FAM13A: variants seen among roughly 807,000 people sequenced by gnomAD.
FAM13A encodes the protein family with sequence similarity 13 member A.
In FAM13A, 76 loss-of-function variants were observed where a neutral mutation model predicts 129.6. That is an observed-to-expected ratio of 0.59 (90% CI 0.49 to 0.71). The LOEUF (loss-of-function observed/expected upper bound fraction) is 0.71, where lower values mean the gene tolerates loss of function less well. FAM13A is among the 30% of genes least tolerant of loss of function. FAM13A has a pLI of 0.00. For synonymous variants in FAM13A, 443 were observed against 449.9 expected, an observed-to-expected ratio of 0.98 and a Z score of 0.20; for missense variants, 1,108 against 1,249.3, an observed-to-expected ratio of 0.89 and a Z score of 1.70.
At chr4:88,852,735 C>G (rs1252812841) in intron 6 of FAM13A, among the ~76,000 whole-genome samples, 4 of 152,146 alleles carry the variant, frequency 2.6e-5, no homozygotes, top group Non-Finnish European at 5.9e-5. Flanking sequence ...TATTGTGAGA[C>G]AATCCACTTG....
At chr4:89,033,230 G>GA (rs1161698337) in intron 1 of FAM13A, among the ~76,000 whole-genome samples, 2 of 151,992 alleles carry the variant, frequency 1.3e-5, no homozygotes, top group East Asian at 3.9e-4. Context: ...TAAAAGATAA[G>GA]AAAAAATCAA....
intron 5 of FAM13A, among the ~76,000 whole-genome samples, chr4:88,933,472 C>A (rs1351361729): frequency 6.6e-6 from 1 of 152,038 alleles, no homozygotes; most frequent in African/African-American, 2.4e-5. Flanking sequence ...TTCTCTTCTC[C>A]TTCACTTTAG....
intron 1 of FAM13A, among the ~76,000 whole-genome samples, chr4:89,048,153 A>T (rs1771101566): frequency 6.6e-6 from 1 of 152,300 alleles, no homozygotes; most frequent in African/African-American, 2.4e-5. Flanking sequence ...AAAGAAATGA[A>T]AATCCATATC....
At chr4:88,739,870 G>T (rs2604223) in intron 19 of FAM13A, among the ~76,000 whole-genome samples, 1 of 150,988 alleles carries the variant, frequency 6.6e-6, no homozygotes, top group Admixed American at 6.6e-5. Flanking sequence ...CTAAGAAGAA[G>T]ATTCTGGCAA....
At chr4:88,746,309 C>G (rs566022759) in intron 19 of FAM13A, among the ~76,000 whole-genome samples, 1 of 152,326 alleles carries the variant, frequency 6.6e-6, no homozygotes, top group Admixed American at 6.5e-5. Context: ...GCCTATCATG[C>G]TACCGTTTCC....
At chr4:89,016,249 A>G (rs1766472701) in intron 3 of FAM13A, among the ~76,000 whole-genome samples, 1 of 151,866 alleles carries the variant, frequency 6.6e-6, no homozygotes, top group South Asian at 2.1e-4. Flanking sequence ...TTAAAAATAG[A>G]AAAATATTAA....
In FAM13A at chr4:88,845,345, G is replaced by A. The variant is rs569046901; in HGVS notation, c.1007+5675C>T. On this transcript the variant is annotated intron_variant, in intron 7 of 23. Coordinates refer to ENST00000264344, the MANE Select transcript of FAM13A (RefSeq NM_014883.4). ...TACATCCTGAAGTGGAGATTGTCTG[G>A]CAGCCACTGGAGAACTAGGACTGAG... 2.6e-5 allele frequency among the ~76,000 whole-genome samples: 4 copies of A among 152,218 alleles called. No homozygotes were observed. The East Asian group carries it at 7.7e-4, about 29-fold the overall frequency.
chr4:88,746,011 T>C (rs1257716206), intron 19 of FAM13A, among the ~76,000 whole-genome samples: 2 of 152,182 alleles, frequency 1.3e-5, no homozygotes, highest in African/African-American at 2.4e-5. Context: ...CCAGAATCCC[T>C]GACCTCCCAC....
At chr4:88,758,672 C>A in intron 14 of FAM13A, 82 bp downstream of exon 14, 1 of 1,393,756 alleles carries the variant, frequency 7.2e-7, no homozygotes, top group Non-Finnish European at 9.9e-7. Flanking sequence ...CCCACACTCT[C>A]ACATAGTTAC....
intron 6 of FAM13A, among the ~76,000 whole-genome samples, chr4:88,894,061 A>C (rs1745872783): frequency 6.6e-6 from 1 of 152,238 alleles, no homozygotes; most frequent in Admixed American, 6.5e-5. Context: ...CAGTAACAAC[A>C]AAAACTCCTA....
At chr4:88,767,626 T>C in intron 12 of FAM13A, 31 bp from the exon 13 acceptor site, 9 of 1,520,140 alleles carry the variant, frequency 5.9e-6, no homozygotes, top group Non-Finnish European at 8.1e-6. Context: ...AAAAAAATCA[T>C]AAAATATCTA....
chr4:88,965,120 T>C (rs1238135830), intron 4 of FAM13A, among the ~76,000 whole-genome samples: 1 of 152,188 alleles, frequency 6.6e-6, no homozygotes, highest in Non-Finnish European at 1.5e-5. Context: ...CCTTACCAAA[T>C]ATGATAAATG....
At chr4:89,036,825 C>T (rs952950892) in intron 1 of FAM13A, among the ~76,000 whole-genome samples, 3 of 152,216 alleles carry the variant, frequency 2.0e-5, no homozygotes, top group Non-Finnish European at 2.9e-5. Flanking sequence ...GCCCAAGATA[C>T]GTCTCAGGCC....
At chr4:89,014,145 A>G (rs1766134532) in intron 3 of FAM13A, among the ~76,000 whole-genome samples, 1 of 152,226 alleles carries the variant, frequency 6.6e-6, no homozygotes, top group Non-Finnish European at 1.5e-5. Flanking sequence ...AAATGATTGT[A>G]AAATAAAAAT....
chr4:88,893,196 C>G (rs1745656063), intron 6 of FAM13A, among the ~76,000 whole-genome samples: 1 of 152,040 alleles, frequency 6.6e-6, no homozygotes, highest in African/African-American at 2.4e-5. Flanking sequence ...CAAATTAAAC[C>G]CCAAATCTCA....
At chr4:88,915,008 AC>A (rs1749865943) in intron 5 of FAM13A, among the ~76,000 whole-genome samples, 1 of 152,178 alleles carries the variant, frequency 6.6e-6, no homozygotes, top group African/African-American at 2.4e-5. Context: ...CAAACTCACA[AC>A]AGTTGATTTG....
chr4:88,993,622 A>AT (rs1450141520), intron 3 of FAM13A, among the ~76,000 whole-genome samples: 4 of 152,180 alleles, frequency 2.6e-5, no homozygotes, highest in Non-Finnish European at 5.9e-5. Context: ...ACGATAAACA[A>AT]TTTTTCCAGG....
intron 8 of FAM13A, among the ~76,000 whole-genome samples, chr4:88,801,485 T>C (rs906751095): frequency 2.0e-5 from 3 of 152,194 alleles, no homozygotes; most frequent in African/African-American, 7.2e-5. Context: ...CTTGGGCTGA[T>C]ATTTTAAAAG....
At chr4:88,841,522 AGAC>A (rs200582155) in intron 7 of FAM13A, among the ~76,000 whole-genome samples, 10,249 of 151,128 alleles carry the variant, frequency 0.068, 522 homozygotes, top group African/African-American at 0.14. Flanking sequence ...AAAATTGAAA[AGAC>A]AACCCATAGA....
Sources: allele counts gnomAD v4.1 joint callset (sites outside exome capture counted in the v4.1 genomes callset), GRCh38; gene constraint gnomAD v4.1.1; transcripts MANE v1.5; gene names NCBI Gene and HGNC (gene_info 2026-07-23, HGNC 2026-07-21).